The following FNBP1 variants were observed in gnomAD, a reference collection of about 807,000 sequenced individuals.
The protein encoded by FNBP1 is formin-binding protein 1.
In FNBP1, 26 loss-of-function variants were observed where a neutral mutation model predicts 90.6. The observed-to-expected ratio is 0.29, with a 90% CI of 0.21 to 0.40. FNBP1 has a LOEUF of 0.40. Ranked by LOEUF, FNBP1 falls within the 10% of genes least tolerant of loss-of-function variation. The pLI is 1.00. For synonymous variants in FNBP1, 260 were observed against 265.2 expected, an observed-to-expected ratio of 0.98 and a Z score of 0.19; for missense variants, 635 against 768.0, an observed-to-expected ratio of 0.83 and a Z score of 2.05.
At chr9:130,040,577 C>T (rs2059731116) in intron 1 of FNBP1, among the ~76,000 whole-genome samples, 1 of 151,084 alleles carries the variant, frequency 6.6e-6, no homozygotes, top group East Asian at 1.9e-4. Context: ...GCCGAGATCA[C>T]GCCACTGCAC....
intron 6 of FNBP1, among the ~76,000 whole-genome samples, chr9:129,935,779 G>A (rs1204760855): frequency 3.9e-5 from 6 of 151,986 alleles, no homozygotes; most frequent in South Asian, 2.1e-4. Context: ...GAGCCACCGC[G>A]CCCAGCCCTC....
chr9:129,977,799 A>G (rs2050574400), intron 4 of FNBP1, among the ~76,000 whole-genome samples: 1 of 152,000 alleles, frequency 6.6e-6, no homozygotes, highest in Admixed American at 6.6e-5. Context: ...ACTGATAAGT[A>G]CTAATTTTAA....
intron 16 of FNBP1, among the ~76,000 whole-genome samples, chr9:129,894,213 C>T (rs533784168): frequency 1.3e-5 from 2 of 151,952 alleles, no homozygotes; most frequent in African/African-American, 4.8e-5. Flanking sequence ...CATTCTGACC[C>T]ATTTGTAGTG....
intron 10 of FNBP1, chr9:129,919,229 C>T (rs1158631224): frequency 6.9e-6 from 9 of 1,299,790 alleles, no homozygotes; most frequent in Non-Finnish European, 9.1e-6. Context: ...TTTGTGAAAA[C>T]AGAAAGACTG....
chr9:129,927,734 A>T (rs2042120194), intron 7 of FNBP1, among the ~76,000 whole-genome samples: 1 of 151,584 alleles, frequency 6.6e-6, no homozygotes, highest in Admixed American at 6.6e-5. Context: ...TCAGCCTCCC[A>T]AGTAGCTGGG....
intron 2 of FNBP1, among the ~76,000 whole-genome samples, chr9:129,984,571 G>T (rs540815883): frequency 1.3e-5 from 2 of 152,126 alleles, no homozygotes; most frequent in Non-Finnish European, 2.9e-5. Flanking sequence ...CCACTTTCCA[G>T]ACCTCCAGGC....
chr9:130,028,399 A>G (rs757871373), intron 1 of FNBP1, among the ~76,000 whole-genome samples: 3 of 152,204 alleles, frequency 2.0e-5, no homozygotes, highest in Non-Finnish European at 4.4e-5. Context: ...GGCAGCTTTC[A>G]AAGGAAAAGC....
At chr9:129,987,112 C>G (rs1232111182) in intron 2 of FNBP1, among the ~76,000 whole-genome samples, 1 of 152,038 alleles carries the variant, frequency 6.6e-6, no homozygotes, top group Non-Finnish European at 1.5e-5. Flanking sequence ...TGGCCCCAGA[C>G]TTTTCCTCCA....
chr9:130,034,049 C>T (rs1215092493), intron 1 of FNBP1, among the ~76,000 whole-genome samples: 2 of 146,504 alleles, frequency 1.4e-5, no homozygotes, highest in Non-Finnish European at 3.0e-5. Flanking sequence ...AGGCCAGCTG[C>T]GGTGGCTCAC....
At chr9:129,919,253 C>T (rs2040737957) in intron 10 of FNBP1, 1 of 1,263,488 alleles carries the variant, frequency 7.9e-7, no homozygotes, top group Non-Finnish European at 1.0e-6. Context: ...CTGCCAATAA[C>T]CAGCAAGAGA....
At chr9:130,001,101 G>T (rs1173982984) in intron 1 of FNBP1, among the ~76,000 whole-genome samples, 4 of 152,114 alleles carry the variant, frequency 2.6e-5, no homozygotes, top group Non-Finnish European at 5.9e-5. Context: ...GGGAGGCCGA[G>T]GCAGGCGGAT....
rs2048688919 is a variant in FNBP1 at position 129,966,695 on chromosome 9, G to A, written c.346-8142C>T. On this transcript the variant is annotated intron_variant, in intron 4 of 16. Transcript: ENST00000446176. The surrounding 1 kb of genome is among the most constrained non-coding windows in gnomAD (Gnocchi z 4.3). ...TGCAGTGAGCTGAGATCGCACCACTGCATTCCAAGTCTGGGTGATGGAGCG... is the reference window on the plus strand; with the variant it reads ...TGCAGTGAGCTGAGATCGCACCACTACATTCCAAGTCTGGGTGATGGAGCG... Among the ~76,000 whole-genome samples the A allele has an allele frequency of 6.6e-6, 1 of 152,112 alleles. No homozygotes were observed. The highest frequency in any genetic ancestry group is 2.4e-5 in the African/African-American group (1 of 41,428).
intron 6 of FNBP1, among the ~76,000 whole-genome samples, chr9:129,932,591 T>C (rs978226202): frequency 6.6e-6 from 1 of 152,196 alleles, no homozygotes; most frequent in Non-Finnish European, 1.5e-5. Flanking sequence ...TCCTTATTAC[T>C]GAGGTTTTTT....
At chr9:129,896,773 A>G (rs1205525958) in intron 15 of FNBP1, among the ~76,000 whole-genome samples, 1 of 152,064 alleles carries the variant, frequency 6.6e-6, no homozygotes, top group Non-Finnish European at 1.5e-5. Context: ...CTGAGATTAC[A>G]GGCATGTGCC....
At chr9:129,968,875 A>G (rs565575857) in intron 4 of FNBP1, among the ~76,000 whole-genome samples, 18 of 152,148 alleles carry the variant, frequency 1.2e-4, no homozygotes, top group Non-Finnish European at 2.2e-4. Flanking sequence ...AATGAACCAT[A>G]TTTTCCACCT....
At chr9:129,981,361 C>T (rs927671433) in intron 2 of FNBP1, among the ~76,000 whole-genome samples, 5 of 152,132 alleles carry the variant, frequency 3.3e-5, no homozygotes, top group African/African-American at 1.2e-4. Context: ...AGTGCCACTG[C>T]ACCCGGCCAA....
chr9:129,993,681 G>C (rs2131288305), intron 2 of FNBP1, among the ~76,000 whole-genome samples: 1 of 146,342 alleles, frequency 6.8e-6, no homozygotes. Flanking sequence ...CTAGAGTGCA[G>C]TGGCACAATC....
In FNBP1 at chr9:129,889,657, C is replaced by T. The variant is rs72757225; in HGVS notation, c.*882G>A. ...GGGCTCCTGGAAAGGAGAGGATGTTCGCTTTGCAATGAGCTGGTGCAGAGG... is the reference window on the plus strand; with the variant it reads ...GGGCTCCTGGAAAGGAGAGGATGTTTGCTTTGCAATGAGCTGGTGCAGAGG... On this transcript the variant is annotated 3_prime_UTR_variant, in exon 17 of 17. Transcript: ENST00000446176. 19,525 of 229,260 alleles carry T rather than the reference C, an allele frequency of 0.085. 2,532 individuals are homozygous for T. The highest frequency in any genetic ancestry group is 0.33 in the African/African-American group (14,672 of 44,962). The allele number at this position is 229,260 out of a possible 1,614,324, so 14.2% of individuals were successfully genotyped here.
intron 5 of FNBP1, among the ~76,000 whole-genome samples, chr9:129,958,012 A>T (rs951567982): frequency 2.0e-5 from 3 of 152,206 alleles, no homozygotes; most frequent in Admixed American, 6.5e-5. Context: ...AACTTTAGAT[A>T]ATGGTTCTAG....
Sources: allele counts gnomAD v4.1 joint callset (sites outside exome capture counted in the v4.1 genomes callset), GRCh38; gene constraint gnomAD v4.1.1; non-coding constraint Gnocchi (gnomAD v3.1); transcripts MANE v1.5; gene names NCBI Gene and HGNC (gene_info 2026-07-23, HGNC 2026-07-21).